The following DPP10 variants were observed in gnomAD, a reference collection of about 807,000 sequenced individuals.
The protein encoded by DPP10 is inactive dipeptidyl peptidase 10.
DPP10 carries 33 observed loss-of-function variants against 120.9 expected under a neutral mutation model. That is an observed-to-expected ratio of 0.27 (90% CI 0.21 to 0.37). DPP10 has a LOEUF of 0.37. Among genes scored for constraint, DPP10 ranks in the 10% least tolerant of loss-of-function variants. DPP10 has a pLI of 1.00. For synonymous variants in DPP10, 337 were observed against 326.1 expected, an observed-to-expected ratio of 1.03 and a Z score of -0.36; for missense variants, 816 against 942.8, an observed-to-expected ratio of 0.87 and a Z score of 1.76.
At chr2:114,463,125 TTCTAGGCCC>T (rs1679066288) in intron 1 of DPP10, among the ~76,000 whole-genome samples, 1 of 152,178 alleles carries the variant, frequency 6.6e-6, no homozygotes, top group Non-Finnish European at 1.5e-5. Context: ...GATTCATCGC[TTCTAGGCCC>T]TCTCAGTGGA....
intron 1 of DPP10, among the ~76,000 whole-genome samples, chr2:114,683,638 A>G (rs1358377484): frequency 6.9e-6 from 1 of 145,124 alleles, no homozygotes; most frequent in Non-Finnish European, 1.5e-5. Context: ...GATTCTTCCT[A>G]TATCACAACA....
rs1342273256 is a variant in DPP10, at chr2:115,330,231, G to A, written c.176-13586G>A. Among the ~76,000 whole-genome samples the A allele has an allele frequency of 7.2e-5, 11 of 152,260 alleles. No individual in the cohort carries two copies. In the East Asian group the frequency reaches 2.1e-3, roughly 29 times the overall value. ...TCATGTGTCTTTTGGCTGCATAAAT[G>A]TCTTCTTTTGAGAAGTGTCTGTTCA... is the stretch of plus-strand genomic sequence containing the variant. On this transcript the variant is annotated intron_variant, in intron 2 of 25. Coordinates refer to ENST00000410059, the MANE Select transcript of DPP10 (RefSeq NM_020868.6).
intron 24 of DPP10, among the ~76,000 whole-genome samples, chr2:115,837,778 G>A (rs1416050898): frequency 1.3e-5 from 2 of 151,614 alleles, no homozygotes; most frequent in Non-Finnish European, 2.9e-5. Flanking sequence ...CCATCAGGCA[G>A]ATCCAAATGA....
chr2:114,857,261 T>C (rs1689446506), intron 1 of DPP10, among the ~76,000 whole-genome samples: 1 of 152,186 alleles, frequency 6.6e-6, no homozygotes, highest in African/African-American at 2.4e-5. Flanking sequence ...TACTTTACTG[T>C]AGTATAGAAA....
At chr2:115,274,471 A>G (rs1263996202) in intron 1 of DPP10, among the ~76,000 whole-genome samples, 1 of 151,984 alleles carries the variant, frequency 6.6e-6, no homozygotes, top group Admixed American at 6.6e-5. Context: ...ATTTTTGTTT[A>G]ATCTACAGAG....
intron 1 of DPP10, among the ~76,000 whole-genome samples, chr2:114,572,293 G>T (rs528134841): frequency 1.3e-5 from 2 of 152,222 alleles, no homozygotes; most frequent in Non-Finnish European, 2.9e-5. Context: ...AATGTAAGGT[G>T]TTACCTAGAT....
At chr2:115,662,422 TTTTTGTTTTTTA>T (rs1394293598) in intron 5 of DPP10, among the ~76,000 whole-genome samples, 1 of 131,154 alleles carries the variant, frequency 7.6e-6, no homozygotes. Context: ...TCTATTTTTA[TTTTTGTTTTTTA>T]TTTTTTTTTT....
In DPP10 at chr2:114,592,810, C is replaced by T. The variant is rs1573741856; in HGVS notation, c.60+149972C>T. Among the ~76,000 whole-genome samples, 4 of 152,132 alleles carry T rather than the reference C, an allele frequency of 2.6e-5. No individual in the cohort carries two copies. The East Asian group carries it at 7.7e-4, about 29-fold the overall frequency. Reference sequence around the variant, plus strand: ...GGTTCACAAAAATATATACTCTCATCTACTACTTTTATGGTGAACACTTTT... The same window carrying T: ...GGTTCACAAAAATATATACTCTCATTTACTACTTTTATGGTGAACACTTTT... On this transcript the variant is annotated intron_variant, in intron 1 of 25. Coordinates refer to ENST00000410059, the MANE Select transcript of DPP10 (RefSeq NM_020868.6).
intron 21 of DPP10, among the ~76,000 whole-genome samples, chr2:115,830,919 T>C (rs1371891625): frequency 1.3e-5 from 2 of 152,172 alleles, no homozygotes; most frequent in East Asian, 1.9e-4. Context: ...ATCTTTTCAA[T>C]TGAGGGAGGG....
At chr2:114,552,139 AG>A (rs1209109962) in intron 1 of DPP10, among the ~76,000 whole-genome samples, 1 of 152,234 alleles carries the variant, frequency 6.6e-6, no homozygotes, top group Non-Finnish European at 1.5e-5. Context: ...TTCAAATCCC[AG>A]CTTTTTCAGC....
intron 1 of DPP10, among the ~76,000 whole-genome samples, chr2:115,075,400 G>C (rs182983578): frequency 2.0e-5 from 3 of 152,316 alleles, no homozygotes; most frequent in East Asian, 3.9e-4. Context: ...AGATAGGTCA[G>C]TGCTTAGAAT....
At chr2:114,801,877 C>A (rs771584930) in intron 1 of DPP10, among the ~76,000 whole-genome samples, 31 of 152,062 alleles carry the variant, frequency 2.0e-4, no homozygotes, top group Non-Finnish European at 2.9e-4. Context: ...GCATAAGGAC[C>A]AAAGACTGAA....
chr2:115,499,387 G>A (rs2076564123), intron 3 of DPP10, 123 bp from the exon 4 acceptor site: 2 of 694,562 alleles, frequency 2.9e-6, no homozygotes, highest in Non-Finnish European at 4.7e-6. Context: ...AATCTGCTTG[G>A]GTTATTGAAG....
chr2:114,484,191 C>T (rs1332351192), intron 1 of DPP10, among the ~76,000 whole-genome samples: 5 of 152,134 alleles, frequency 3.3e-5, no homozygotes, highest in East Asian at 1.9e-4. Flanking sequence ...TGTCCTGGAT[C>T]GAACTTGAGG....
intron 1 of DPP10, among the ~76,000 whole-genome samples, chr2:114,971,164 G>A (rs572391166): frequency 1.3e-5 from 2 of 152,284 alleles, no homozygotes; most frequent in South Asian, 2.1e-4. Flanking sequence ...GCTTAGGGCG[G>A]TCTTGCAAAA....
At chr2:114,597,145 G>T (rs1342134768) in intron 1 of DPP10, among the ~76,000 whole-genome samples, 1 of 151,996 alleles carries the variant, frequency 6.6e-6, no homozygotes, top group Admixed American at 6.6e-5. Flanking sequence ...AGGCAGAAAA[G>T]AGTAAAGACA....
At chr2:114,921,554 A>G (rs35765885) in intron 1 of DPP10, among the ~76,000 whole-genome samples, 37,676 of 152,074 alleles carry the variant, frequency 0.25, 4,870 homozygotes, top group Non-Finnish European at 0.28. Flanking sequence ...ATATTAATTT[A>G]GACTCATAAT....
chr2:115,648,913 A>T (rs2087513935), intron 5 of DPP10, among the ~76,000 whole-genome samples: 1 of 152,000 alleles, frequency 6.6e-6, no homozygotes, highest in Admixed American at 6.6e-5. Flanking sequence ...TAATAGATTA[A>T]TGGAGTAGGG....
chr2:115,164,563 A>G lies in DPP10; in HGVS notation c.61-144676A>G, dbSNP rs191700386. 7.4e-4 allele frequency among the ~76,000 whole-genome samples: 112 copies of G among 152,310 alleles called. 1 individual carries two copies. Among genetic ancestry groups the G allele is most frequent in the Middle Eastern group, 3.4e-3 (1 of 294 alleles). ...CTATGCATTGATTTTGAATGATTTAAGCTATTGCATGTTTCCAAGAATGTC... is the reference window on the plus strand; with the variant it reads ...CTATGCATTGATTTTGAATGATTTAGGCTATTGCATGTTTCCAAGAATGTC... On this transcript the variant is annotated intron_variant, in intron 1 of 25. Coordinates refer to ENST00000410059, the MANE Select transcript of DPP10 (RefSeq NM_020868.6).
Sources: allele counts gnomAD v4.1 joint callset (sites outside exome capture counted in the v4.1 genomes callset), GRCh38; gene constraint gnomAD v4.1.1; transcripts MANE v1.5; gene names NCBI Gene and HGNC (gene_info 2026-07-23, HGNC 2026-07-21).